SPIN1: variants seen among roughly 807,000 people sequenced by gnomAD.
SPIN1 encodes spindlin 1.
A neutral mutation model predicts 26.0 loss-of-function variants in SPIN1; 3 were observed. The observed-to-expected ratio is 0.12, with a 90% confidence interval of 0.05 to 0.30. The LOEUF is 0.30. Ranked by LOEUF, SPIN1 falls within the 10% of genes least tolerant of loss-of-function variation. The pLI is 1.00. For missense variants in SPIN1, 126 were observed against 333.4 expected, an observed-to-expected ratio of 0.38 and a Z score of 4.84; for synonymous variants, 101 against 116.5, an observed-to-expected ratio of 0.87 and a Z score of 0.86.
At position 88,475,334 on chromosome 9, in the gene SPIN1, A is replaced by G; in HGVS notation, c.*57A>G. The stretch of plus-strand genomic sequence containing the variant: ...ACTATGAAATGTATTATTTGTAGAC[A>G]TAAAGACTTGATTGCTTTCCAGTTT... On this transcript the variant is annotated 3_prime_UTR_variant, in exon 6 of 6. Coordinates refer to ENST00000375859, the MANE Select transcript of SPIN1 (RefSeq NM_006717.3). 6.4e-6 allele frequency: 10 copies of G among 1,550,540 alleles called. No homozygotes were observed. The highest frequency in any genetic ancestry group is 8.8e-6 in the Non-Finnish European group (10 of 1,132,824).
intron 2 of SPIN1, among the ~76,000 whole-genome samples, chr9:88,448,470 G>C (rs1425098825): frequency 1.3e-5 from 2 of 152,040 alleles, no homozygotes; most frequent in Non-Finnish European, 2.9e-5. Context: ...CCCCACCTCA[G>C]CCTCCTGAGT....
At chr9:88,398,007 G>A (rs1164965508) in intron 1 of SPIN1, among the ~76,000 whole-genome samples, 3 of 150,756 alleles carry the variant, frequency 2.0e-5, no homozygotes, top group African/African-American at 4.9e-5. Flanking sequence ...TTGCAGCCTC[G>A]ACCTTCCCGG....
chr9:88,407,365 G>C (rs952958955), intron 1 of SPIN1, among the ~76,000 whole-genome samples: 1 of 151,774 alleles, frequency 6.6e-6, no homozygotes, highest in Admixed American at 6.6e-5. Context: ...GGCTGGTCTT[G>C]AACTGCTGAT....
At chr9:88,400,905 C>T (rs1361789118) in intron 1 of SPIN1, among the ~76,000 whole-genome samples, 13 of 151,302 alleles carry the variant, frequency 8.6e-5, no homozygotes, top group East Asian at 1.9e-4. Context: ...TTTAGTTACT[C>T]GGGAGGCTGA....
At chr9:88,445,947 G>A (rs1828241979) in intron 2 of SPIN1, among the ~76,000 whole-genome samples, 1 of 151,888 alleles carries the variant, frequency 6.6e-6, no homozygotes, top group Non-Finnish European at 1.5e-5. Flanking sequence ...AACTAAGTAA[G>A]GTTGGTTGTT....
chr9:88,413,273 G>A (rs1006721917), intron 1 of SPIN1, among the ~76,000 whole-genome samples: 2 of 151,672 alleles, frequency 1.3e-5, no homozygotes, highest in African/African-American at 4.8e-5. Context: ...GGCCAGGCTG[G>A]TCTCAAACTC....
At chr9:88,458,338 AATC>A (rs1417342035) in intron 3 of SPIN1, among the ~76,000 whole-genome samples, 1 of 151,852 alleles carries the variant, frequency 6.6e-6, no homozygotes, top group Non-Finnish European at 1.5e-5. Flanking sequence ...GAGGAAATAA[AATC>A]AGTTCAAAAG....
At chr9:88,419,646 T>A (rs1031043289) in intron 1 of SPIN1, among the ~76,000 whole-genome samples, 2 of 152,236 alleles carry the variant, frequency 1.3e-5, no homozygotes, top group Admixed American at 6.5e-5. Context: ...TAATTTCTTA[T>A]GAAAAATTTG....
intron 1 of SPIN1, among the ~76,000 whole-genome samples, chr9:88,407,166 C>T (rs950669756): frequency 1.1e-4 from 17 of 148,298 alleles, no homozygotes; most frequent in African/African-American, 4.2e-4. Context: ...AAGATGGAGT[C>T]TCACTCTGTT....
chr9:88,431,244 A>G (rs766305779), intron 2 of SPIN1, among the ~76,000 whole-genome samples: 26 of 150,316 alleles, frequency 1.7e-4, no homozygotes, highest in Admixed American at 2.0e-4. Flanking sequence ...ATAGATGCTC[A>G]TGTACCTACT....
intron 3 of SPIN1, 76 bp from the exon 4 acceptor site, chr9:88,462,420 T>G: frequency 1.3e-6 from 2 of 1,541,544 alleles, no homozygotes; most frequent in Non-Finnish European, 1.8e-6. Context: ...GAGATCATGC[T>G]AGCCAGCGGT....
At chr9:88,423,724 G>GT (rs1827714503) in intron 1 of SPIN1, among the ~76,000 whole-genome samples, 2 of 139,710 alleles carry the variant, frequency 1.4e-5, no homozygotes, top group South Asian at 4.8e-4. Flanking sequence ...CCTACATCAT[G>GT]TATTTTTTTT....
chr9:88,420,763 A>G (rs1324569440), intron 1 of SPIN1, among the ~76,000 whole-genome samples: 3 of 152,236 alleles, frequency 2.0e-5, no homozygotes, highest in Non-Finnish European at 2.9e-5. Flanking sequence ...TTTACAAAAC[A>G]GTGTAGGTAA....
intron 1 of SPIN1, among the ~76,000 whole-genome samples, chr9:88,408,284 G>T (rs561117583): frequency 2.5e-4 from 36 of 144,756 alleles, no homozygotes; most frequent in African/African-American, 9.2e-4. Flanking sequence ...CCTTCTGAGA[G>T]CCCATTTAAG....
At chr9:88,470,271 G>C (rs943756179) in intron 5 of SPIN1, among the ~76,000 whole-genome samples, 8 of 152,166 alleles carry the variant, frequency 5.3e-5, no homozygotes, top group African/African-American at 1.2e-4. Flanking sequence ...TAATGCTGCT[G>C]TAAACATTTT....
chr9:88,399,481 G>C (rs1827141144), intron 1 of SPIN1, among the ~76,000 whole-genome samples: 1 of 152,210 alleles, frequency 6.6e-6, no homozygotes, highest in African/African-American at 2.4e-5. Flanking sequence ...AACCATGCTA[G>C]TTCTAGTTGC....
intron 2 of SPIN1, among the ~76,000 whole-genome samples, chr9:88,435,988 G>A (rs1395337600): frequency 6.6e-6 from 1 of 152,150 alleles, no homozygotes; most frequent in African/African-American, 2.4e-5. Context: ...ATATATGTGT[G>A]GAAATGTATA....
chr9:88,414,859 T>C (rs1051308072), intron 1 of SPIN1, among the ~76,000 whole-genome samples: 1 of 152,196 alleles, frequency 6.6e-6, no homozygotes, highest in Admixed American at 6.5e-5. Context: ...ATTACACTTG[T>C]ATTAAAACTT....
At chr9:88,457,773 T>C (rs1463792225) in intron 3 of SPIN1, 1 of 932,552 alleles carries the variant, frequency 1.1e-6, no homozygotes, top group East Asian at 1.2e-4. Flanking sequence ...GAACTTTACC[T>C]GAAAGAATTA....
Sources: allele counts gnomAD v4.1 joint callset (sites outside exome capture counted in the v4.1 genomes callset), GRCh38; gene constraint gnomAD v4.1.1; transcripts MANE v1.5; gene names NCBI Gene and HGNC (gene_info 2026-07-23, HGNC 2026-07-21).